ERBB4: variants seen among roughly 807,000 people sequenced by gnomAD.
ERBB4 encodes receptor tyrosine-protein kinase erbB-4.
In ERBB4, 42 loss-of-function variants were observed where a neutral mutation model predicts 158.0. The ratio of observed to expected loss-of-function variants is 0.27; its 90% CI spans 0.21 to 0.34. The LOEUF (loss-of-function observed/expected upper bound fraction) is 0.34. ERBB4 is among the 10% of genes least tolerant of loss of function. The pLI, the probability that ERBB4 is intolerant of heterozygous loss-of-function variation, is 1.00. For synonymous variants in ERBB4, 583 were observed against 558.7 expected (o/e 1.04, Z -0.61); for missense variants, 1,333 against 1,624.1 (o/e 0.82, Z 3.08).
intron 2 of ERBB4, among the ~76,000 whole-genome samples, chr2:212,114,090 T>A (rs531225155): frequency 6.6e-6 from 1 of 152,230 alleles, no homozygotes; most frequent in Non-Finnish European, 1.5e-5. Context: ...TGCAGTGAAC[T>A]AGACATGGGC....
At chr2:212,296,894 C>A (rs1194238825) in intron 1 of ERBB4, among the ~76,000 whole-genome samples, 1 of 151,878 alleles carries the variant, frequency 6.6e-6, no homozygotes, top group African/African-American at 2.4e-5. Flanking sequence ...CAGCTCTCTC[C>A]AGATAGACTC....
At chr2:211,609,791 G>A (rs1208055472) in intron 19 of ERBB4, among the ~76,000 whole-genome samples, 1 of 152,078 alleles carries the variant, frequency 6.6e-6, no homozygotes, top group Non-Finnish European at 1.5e-5. Flanking sequence ...GAAACCAAGG[G>A]CCTTGGCCCC....
At position 212,478,493 on chromosome 2, in the gene ERBB4, T is replaced by C. The variant is rs575637186; in HGVS notation, c.82+59956A>G. Among the ~76,000 whole-genome samples, 549 of 132,964 alleles carry C rather than the reference T, an allele frequency of 4.1e-3. 5 individuals carry two copies. The highest frequency in any genetic ancestry group is 0.02 in the African/African-American group (520 of 26,418). 87.2% of individuals were successfully genotyped at this position (132,964 alleles called of 152,430 possible). ...TATAAAATATAAGTGAGCGAGAGTA[T>C]TCAGTGATAGAAGTCTAGAACAGAT... On this transcript the variant is annotated intron_variant, in intron 1 of 27. Transcript: ENST00000342788.
At chr2:212,081,725 G>A (rs1384887847) in intron 2 of ERBB4, among the ~76,000 whole-genome samples, 1 of 152,128 alleles carries the variant, frequency 6.6e-6, no homozygotes, top group African/African-American at 2.4e-5. Flanking sequence ...ACCGACTGTA[G>A]CTGATTCCAT....
chr2:211,510,383 C>A (rs181291916), intron 20 of ERBB4, among the ~76,000 whole-genome samples: 4 of 151,956 alleles, frequency 2.6e-5, no homozygotes, highest in Admixed American at 2.6e-4. Context: ...CTATTTAGTG[C>A]GATGGTTAAA....
intron 25 of ERBB4, among the ~76,000 whole-genome samples, chr2:211,415,580 G>T (rs1239855051): frequency 1.3e-5 from 2 of 152,072 alleles, no homozygotes; most frequent in Non-Finnish European, 1.5e-5. Context: ...AGGAGTTGGG[G>T]CTAAATTTAT....
chr2:211,501,632 G>T (rs1026100232), intron 20 of ERBB4, among the ~76,000 whole-genome samples: 2 of 151,826 alleles, frequency 1.3e-5, no homozygotes, highest in African/African-American at 2.4e-5. Context: ...AAGTACATAT[G>T]AACATATTGT....
chr2:212,302,567 T>C (rs2086661468), intron 1 of ERBB4, among the ~76,000 whole-genome samples: 1 of 151,430 alleles, frequency 6.6e-6, no homozygotes, highest in Admixed American at 6.6e-5. Flanking sequence ...ATTGGCAAAA[T>C]ATGAGTTTCA....
chr2:211,428,651 AAT>A (rs1416669314), intron 21 of ERBB4, among the ~76,000 whole-genome samples, 168 bp from the exon 22 acceptor site: 36 of 152,038 alleles, frequency 2.4e-4, no homozygotes, highest in Non-Finnish European at 4.7e-4. Context: ...TATAACTATA[AAT>A]ATATGTTAAT....
chr2:212,187,751 C>G (rs1382102774), intron 1 of ERBB4, among the ~76,000 whole-genome samples: 1 of 152,018 alleles, frequency 6.6e-6, no homozygotes, highest in Non-Finnish European at 1.5e-5. Context: ...GTGGCTGTAG[C>G]TAGTGTTTTA....
intron 2 of ERBB4, among the ~76,000 whole-genome samples, chr2:211,949,833 C>T (rs2080826219): frequency 6.6e-6 from 1 of 152,118 alleles, no homozygotes; most frequent in Non-Finnish European, 1.5e-5. Flanking sequence ...ACACTTTTAC[C>T]TGCTTCAATT....
chr2:211,494,071 C>G (rs911447066), intron 20 of ERBB4, among the ~76,000 whole-genome samples: 1 of 152,144 alleles, frequency 6.6e-6, no homozygotes, highest in Non-Finnish European at 1.5e-5. Context: ...GGTGCGATCT[C>G]GGCTCACTAC....
chr2:211,980,693 A>T (rs1200275957), intron 2 of ERBB4, among the ~76,000 whole-genome samples: 1 of 152,148 alleles, frequency 6.6e-6, no homozygotes, highest in Non-Finnish European at 1.5e-5. Flanking sequence ...TATCTTAAAC[A>T]TTCCCAGAAA....
At position 211,712,105 on chromosome 2, in the gene ERBB4, T is replaced by C. The variant is rs779819962; in HGVS notation, c.1069A>G (p.Ile357Val). 5.0e-6 allele frequency: 8 copies of C among 1,612,236 alleles called. No homozygotes were observed. The Admixed American group carries it at 1.3e-4, about 27-fold the overall frequency. ...TTCCCATTGATCTTGGTACAGTTTA[T>C]GAATTTGTCAATGTTACTGGAATCC... ...TVDSSNIDKFINCTKINGNLI... is the reference protein window; with the variant it reads ...TVDSSNIDKFVNCTKINGNLI... The change falls in exon 9 of 28, where the codon ATA becomes GTA. Residue 357 changes from isoleucine (I) to valine (V), a missense_variant. Ile to Val is a conservative substitution (Grantham distance 29, BLOSUM62 3). Transcript: ENST00000342788.
chr2:211,448,465 G>C (rs2064165242), intron 20 of ERBB4, among the ~76,000 whole-genome samples: 2 of 95,066 alleles, frequency 2.1e-5, no homozygotes, highest in Non-Finnish European at 4.3e-5. Context: ...TACCCAAACA[G>C]ATACACACAC....
rs2125429849 is a variant in ERBB4, at chr2:211,431,018, A to T, written c.2570T>A (p.Val857Glu). The part of the protein sequence containing the change: ...RNVLVKSPNH[V>E]KITDFGLARL... ...GGCTAGCCCAAAATCTGTGATTTTCACATGGTTTGGAGATTTCACTAAGAC... is the reference window on the plus strand; with the variant it reads ...GGCTAGCCCAAAATCTGTGATTTTCTCATGGTTTGGAGATTTCACTAAGAC... Residue 857 changes from valine (V) to glutamate (E), a missense_variant, in exon 21 of 28, where the codon GTG becomes GAG. Val to Glu is a moderately radical substitution (Grantham distance 121). Transcript: ENST00000342788. The T allele has an allele frequency of 1.2e-6, 2 of 1,613,782 alleles. No homozygotes were observed. Among genetic ancestry groups the T allele is most frequent in the Non-Finnish European group, 1.7e-6 (2 of 1,179,692 alleles).
chr2:212,124,738 A>T lies in ERBB4; in HGVS notation c.234+14T>A, dbSNP rs1159933267. ...GTCCATTCACAAAGAAGAGAAAGAA[A>T]GCCACAGCTTTACCCGCAGGAAGGA... is the stretch of plus-strand genomic sequence containing the variant. On this transcript the variant is annotated intron_variant, in intron 2 of 27. Coordinates refer to ENST00000342788, the MANE Select transcript of ERBB4 (RefSeq NM_005235.3). The T allele has an allele frequency of 1.2e-6, 2 of 1,613,994 alleles. No homozygotes were observed. The highest frequency in any genetic ancestry group is 2.7e-5 in the African/African-American group (2 of 74,930).
chr2:212,402,220 C>T (rs987550717), intron 1 of ERBB4, among the ~76,000 whole-genome samples: 1 of 152,052 alleles, frequency 6.6e-6, no homozygotes, highest in Non-Finnish European at 1.5e-5. Context: ...TGGAATGAAA[C>T]TCCAGAGGCT....
chr2:212,436,304 G>T (rs1159531857), intron 1 of ERBB4, among the ~76,000 whole-genome samples: 2 of 151,864 alleles, frequency 1.3e-5, no homozygotes, highest in East Asian at 1.9e-4. Flanking sequence ...CATATTAAAA[G>T]AAATAAATAT....
Sources: allele counts gnomAD v4.1 joint callset (sites outside exome capture counted in the v4.1 genomes callset), GRCh38; gene constraint gnomAD v4.1.1; transcripts MANE v1.5; gene names NCBI Gene and HGNC (gene_info 2026-07-23, HGNC 2026-07-21).